The following STK32A variants were observed in gnomAD, a reference collection of about 807,000 sequenced individuals.
STK32A encodes serine/threonine-protein kinase 32A.
Under a neutral mutation model 53.2 loss-of-function variants are expected in STK32A, and 41 were observed. That is an observed-to-expected ratio of 0.77 (90% CI 0.60 to 1.00). The LOEUF is 1.00. Ranked by LOEUF, STK32A falls within the 50% of genes least tolerant of loss-of-function variation. The pLI, the probability that STK32A is intolerant of heterozygous loss-of-function variation, is 0.00. For synonymous variants in STK32A, 166 were observed against 162.8 expected, an observed-to-expected ratio of 1.02 and a Z score of -0.15; for missense variants, 458 against 485.8, an observed-to-expected ratio of 0.94 and a Z score of 0.54.
At chr5:147,397,169 T>C in the STK32A span, among the ~76,000 whole-genome samples, 1 of 110,702 alleles carries the variant, frequency 9.0e-6, no homozygotes, top group Non-Finnish European at 1.7e-5. Flanking sequence ...TATGTATCTA[T>C]AGACCTATAT....
chr5:147,258,433 T>C (rs1310146088), intron 2 of STK32A, among the ~76,000 whole-genome samples: 1 of 152,204 alleles, frequency 6.6e-6, no homozygotes, highest in Non-Finnish European at 1.5e-5. Flanking sequence ...ACTTTCCTTA[T>C]ACACCTTGCA....
At chr5:147,371,602 A>T (rs1342442789) in intron 9 of STK32A, among the ~76,000 whole-genome samples, 1 of 152,076 alleles carries the variant, frequency 6.6e-6, no homozygotes. Flanking sequence ...TAGTCCATGA[A>T]TTTTTTCTGC....
intron 2 of STK32A, among the ~76,000 whole-genome samples, chr5:147,250,128 G>A (rs1753922273): frequency 6.6e-6 from 1 of 152,200 alleles, no homozygotes; most frequent in Admixed American, 6.5e-5. Context: ...GAGTAGTTAT[G>A]TGGATGACTG....
chr5:147,381,655 AG>A (rs1757458906), intron 11 of STK32A, among the ~76,000 whole-genome samples: 1 of 151,484 alleles, frequency 6.6e-6, no homozygotes, highest in Middle Eastern at 3.2e-3. Flanking sequence ...AAAAAAAAAA[AG>A]GAAAGTTTGA....
intron 10 of STK32A, 95 bp downstream of exon 10, chr5:147,373,389 G>C: frequency 6.6e-7 from 1 of 1,509,588 alleles, no homozygotes; most frequent in Admixed American, 2.0e-5. Context: ...AATCACACCA[G>C]TGTTGTTAAG....
At chr5:147,307,193 T>C (rs1753449393) in intron 4 of STK32A, among the ~76,000 whole-genome samples, 1 of 152,148 alleles carries the variant, frequency 6.6e-6, no homozygotes. Context: ...ATATAAACTA[T>C]TTGCACAATC....
intron 5 of STK32A, among the ~76,000 whole-genome samples, chr5:147,325,333 T>C (rs552819523): frequency 6.6e-6 from 1 of 150,718 alleles, no homozygotes; most frequent in South Asian, 2.1e-4. Context: ...ATATATATAT[T>C]AGAGAGATGG....
intron 4 of STK32A, among the ~76,000 whole-genome samples, chr5:147,293,481 A>T (rs1164317682): frequency 5.8e-4 from 6 of 10,330 alleles, no homozygotes; most frequent in East Asian, 0.02. Flanking sequence ...TTTCGAGGTA[A>T]AAAAAAAAAA....
At chr5:147,382,081 G>A (rs1030735665) in intron 11 of STK32A, among the ~76,000 whole-genome samples, 1 of 152,168 alleles carries the variant, frequency 6.6e-6, no homozygotes, top group Non-Finnish European at 1.5e-5. Context: ...GCTGTGGGTT[G>A]GACAAGCTTG....
chr5:147,263,260 T>C (rs1219358209), intron 2 of STK32A, among the ~76,000 whole-genome samples: 2 of 152,176 alleles, frequency 1.3e-5, no homozygotes, highest in African/African-American at 4.8e-5. Context: ...TTTAAAATTA[T>C]CAACATTGGA....
intron 6 of STK32A, among the ~76,000 whole-genome samples, chr5:147,349,970 G>T (rs1292260445): frequency 6.6e-6 from 1 of 151,974 alleles, no homozygotes; most frequent in Admixed American, 6.5e-5. Flanking sequence ...AATTAGCTGA[G>T]CATGGTTGTG....
intron 2 of STK32A, among the ~76,000 whole-genome samples, chr5:147,262,281 T>G (rs191988290): frequency 5.2e-4 from 79 of 152,274 alleles, no homozygotes; most frequent in Non-Finnish European, 9.9e-4. Flanking sequence ...CTCTTACTAA[T>G]TTGACTCTTA....
At chr5:147,340,174 G>A (rs1393342525) in intron 5 of STK32A, among the ~76,000 whole-genome samples, 2 of 152,118 alleles carry the variant, frequency 1.3e-5, no homozygotes, top group Non-Finnish European at 2.9e-5. Flanking sequence ...TCTTGGTTTT[G>A]GCCAGCTTCT....
At chr5:147,335,564 T>G (rs1581108277) in intron 5 of STK32A, among the ~76,000 whole-genome samples, 1 of 140,884 alleles carries the variant, frequency 7.1e-6, no homozygotes, top group Admixed American at 6.7e-5. Context: ...ATCACACTCC[T>G]TCTCAAAACT....
At chr5:147,262,603 C>CA (rs959023994) in intron 2 of STK32A, among the ~76,000 whole-genome samples, 21 of 89,056 alleles carry the variant, frequency 2.4e-4, no homozygotes, top group Non-Finnish European at 4.3e-4. Context: ...CAAAACAAAA[C>CA]AAAAAAAAAC....
intron 2 of STK32A, among the ~76,000 whole-genome samples, chr5:147,273,495 C>T (rs994140174): frequency 1.3e-5 from 2 of 152,332 alleles, no homozygotes; most frequent in African/African-American, 4.8e-5. Context: ...TTACCCACTC[C>T]TCCACTCAAA....
chr5:147,349,930 G>A (rs182929941), intron 6 of STK32A, among the ~76,000 whole-genome samples: 5 of 152,086 alleles, frequency 3.3e-5, no homozygotes, highest in Admixed American at 3.3e-4. Context: ...GACCAACATG[G>A]TGAAATCCCA....
chr5:147,318,190 C>A (rs572733996), intron 4 of STK32A, among the ~76,000 whole-genome samples: 1 of 151,976 alleles, frequency 6.6e-6, no homozygotes, highest in African/African-American at 2.4e-5. Context: ...GAACTTTGTT[C>A]TTTTCCTTCG....
chr5:147,238,582 T>G (rs1267283240), intron 1 of STK32A, among the ~76,000 whole-genome samples: 1 of 152,202 alleles, frequency 6.6e-6, no homozygotes, highest in Non-Finnish European at 1.5e-5. Context: ...TCAGAGCGGC[T>G]AACAGTTTTG....
Sources: allele counts gnomAD v4.1 joint callset (sites outside exome capture counted in the v4.1 genomes callset), GRCh38; gene constraint gnomAD v4.1.1; transcripts MANE v1.5; gene names NCBI Gene and HGNC (gene_info 2026-07-23, HGNC 2026-07-21).